The following COL25A1 variants were observed in gnomAD, a reference collection of about 807,000 sequenced individuals.
COL25A1 encodes collagen alpha-1(XXV) chain.
A neutral mutation model predicts 128.4 loss-of-function variants in COL25A1; 103 were observed. The ratio of observed to expected loss-of-function variants is 0.80; its 90% CI spans 0.68 to 0.94. COL25A1 has a LOEUF of 0.94. Among genes scored for constraint, COL25A1 ranks in the 40% least tolerant of loss-of-function variants. COL25A1 has a pLI of 0.00. For synonymous variants in COL25A1, 279 were observed against 277.2 expected, an observed-to-expected ratio of 1.01 and a Z score of -0.06; for missense variants, 745 against 840.0, an observed-to-expected ratio of 0.89 and a Z score of 1.40.
chr4:109,142,519 A>G (rs1770512541), intron 3 of COL25A1, among the ~76,000 whole-genome samples: 1 of 151,198 alleles, frequency 6.6e-6, no homozygotes, highest in Non-Finnish European at 1.5e-5. Flanking sequence ...GGGGTGTTAA[A>G]GTCTCCCACT....
At chr4:109,128,964 T>C (rs1055539096) in intron 3 of COL25A1, among the ~76,000 whole-genome samples, 16 of 152,128 alleles carry the variant, frequency 1.1e-4, no homozygotes, top group Admixed American at 6.6e-4. Flanking sequence ...ACTGAAGAGA[T>C]TTTAAAACAC....
intron 3 of COL25A1, among the ~76,000 whole-genome samples, chr4:109,198,623 A>G (rs1163984090): frequency 2.0e-5 from 3 of 152,170 alleles, no homozygotes; most frequent in Non-Finnish European, 4.4e-5. Flanking sequence ...ATTGCATTCT[A>G]TGCTAGCTCT....
chr4:109,218,357 G>GTTTTTTGTTTGTTTGTTTTT (rs1778164499), intron 3 of COL25A1, among the ~76,000 whole-genome samples: 1 of 73,530 alleles, frequency 1.4e-5, no homozygotes, highest in Non-Finnish European at 2.3e-5. Flanking sequence ...GTTTTTTGGG[G>GTTTTTTGTTTGTTTGTTTTT]TTTTTTTTTT....
chr4:108,921,070 T>C (rs1171978305), intron 11 of COL25A1: 1 of 154,312 alleles, frequency 6.5e-6, no homozygotes, highest in Non-Finnish European at 1.5e-5. Flanking sequence ...AAACATGACT[T>C]TTTTTTTCTG....
chr4:109,056,284 T>G (rs547870332), intron 3 of COL25A1, among the ~76,000 whole-genome samples: 2 of 152,102 alleles, frequency 1.3e-5, no homozygotes, highest in East Asian at 3.8e-4. Flanking sequence ...AGATTTTTAC[T>G]GTATTTTAGT....
intron 37 of COL25A1, among the ~76,000 whole-genome samples, chr4:108,816,377 C>T (rs1183230186): frequency 6.6e-6 from 1 of 152,138 alleles, no homozygotes; most frequent in Non-Finnish European, 1.5e-5. Context: ...GCTAATGAAG[C>T]ATGCCTGTCC....
At chr4:108,988,411 AT>A (rs2126008771) in intron 6 of COL25A1, among the ~76,000 whole-genome samples, 2 of 152,358 alleles carry the variant, frequency 1.3e-5, no homozygotes, top group East Asian at 3.9e-4. Context: ...ATGAGTGCTT[AT>A]GAGGATAGAG....
intron 13 of COL25A1, among the ~76,000 whole-genome samples, chr4:108,912,733 G>A (rs1526134): frequency 0.19 from 29,414 of 152,054 alleles, 3,012 homozygotes; most frequent in Non-Finnish European, 0.22. Context: ...TCACTGCATA[G>A]ACTTGACTCA....
chr4:109,116,658 C>A (rs748710208), intron 3 of COL25A1, among the ~76,000 whole-genome samples: 30 of 152,010 alleles, frequency 2.0e-4, no homozygotes, highest in Non-Finnish European at 3.4e-4. Context: ...AGAGACTGAA[C>A]AAGCATCAGA....
chr4:109,253,513 G>A (rs1051067873), intron 3 of COL25A1, among the ~76,000 whole-genome samples: 2 of 152,122 alleles, frequency 1.3e-5, no homozygotes, highest in African/African-American at 4.8e-5. Flanking sequence ...GCTTTACTCA[G>A]TCTATGGAAT....
intron 3 of COL25A1, among the ~76,000 whole-genome samples, chr4:109,245,690 T>C (rs900970430): frequency 6.6e-6 from 1 of 151,954 alleles, no homozygotes; most frequent in Non-Finnish European, 1.5e-5. Flanking sequence ...CAGATGATTG[T>C]TTACAAAAAC....
In COL25A1 at chr4:108,956,771, A is replaced by G. The variant is rs1451754967; in HGVS notation, c.493-15334T>C. On this transcript the variant is annotated intron_variant, in intron 8 of 37. Transcript: ENST00000399132. ...GTGTGGGAATGATTTTTGTCTCTAC[A>G]TGAATGTCTGTTTCTACATCTATAT... Among the ~76,000 whole-genome samples the G allele has an allele frequency of 1.2e-4, 19 of 152,188 alleles. No individual in the cohort carries two copies. In the East Asian group the frequency reaches 3.5e-3, roughly 28 times the overall value.
At chr4:109,154,427 C>G (rs1289124210) in intron 3 of COL25A1, among the ~76,000 whole-genome samples, 2 of 152,186 alleles carry the variant, frequency 1.3e-5, no homozygotes, top group Non-Finnish European at 2.9e-5. Flanking sequence ...TTCTCACACA[C>G]AAACACACAC....
Position 108,955,350 on chromosome 4 carries a change from T to C in COL25A1, c.493-13913A>G, listed in dbSNP as rs530064217. On this transcript the variant is annotated intron_variant, in intron 8 of 37. Coordinates refer to ENST00000399132, the MANE Select transcript of COL25A1 (RefSeq NM_198721.4). ...ACTTGTGAAATGTTGGGGAAGTTAATGTTGGAAAAGTGGCACAAAACGAAT... is the reference window on the plus strand; with the variant it reads ...ACTTGTGAAATGTTGGGGAAGTTAACGTTGGAAAAGTGGCACAAAACGAAT... Among the ~76,000 whole-genome samples the C allele has an allele frequency of 2.0e-5, 3 of 152,166 alleles. No individual in the cohort carries two copies. In the South Asian group the frequency reaches 6.2e-4, roughly 32 times the overall value.
chr4:109,050,198 T>G lies in COL25A1; in HGVS notation c.368-19A>C. On this transcript the variant is annotated intron_variant, in intron 3 of 37. Coordinates refer to ENST00000399132, the MANE Select transcript of COL25A1 (RefSeq NM_198721.4). ...GGAGGGCCTGAAATACAAAGGATAA[T>G]TTTTTTAGTGTAGTTTAATTCTTTT... The G allele has an allele frequency of 6.3e-7, 1 of 1,593,956 alleles. No homozygotes were observed. The highest frequency in any genetic ancestry group is 8.6e-7 in the Non-Finnish European group (1 of 1,166,022).
chr4:108,843,368 T>C (rs553326350), intron 30 of COL25A1, among the ~76,000 whole-genome samples: 1 of 152,272 alleles, frequency 6.6e-6, no homozygotes, highest in South Asian at 2.1e-4. Context: ...ACTTATTCTG[T>C]AATACTGAAG....
intron 3 of COL25A1, among the ~76,000 whole-genome samples, chr4:109,149,994 G>A (rs924468842): frequency 6.8e-6 from 1 of 146,740 alleles, no homozygotes; most frequent in African/African-American, 2.4e-5. Context: ...ATGTGTGTAT[G>A]TGTGGGTGTG....
chr4:109,245,460 G>A lies in COL25A1; in HGVS notation c.367+55123C>T, dbSNP rs184896382. Among the ~76,000 whole-genome samples the A allele has an allele frequency of 1.3e-3, 195 of 152,302 alleles. 1 individual carries two copies. The highest frequency in any genetic ancestry group is 6.8e-3 in the Middle Eastern group (2 of 294). On this transcript the variant is annotated intron_variant, in intron 3 of 37. Coordinates refer to ENST00000399132, the MANE Select transcript of COL25A1 (RefSeq NM_198721.4). ...AAATAACAAAGGTATCCTATCATAT[G>A]TGTGGAGCATGGTGATGACAGAATA...
intron 3 of COL25A1, among the ~76,000 whole-genome samples, chr4:109,289,584 G>A (rs1391119266): frequency 1.3e-5 from 2 of 152,072 alleles, no homozygotes; most frequent in African/African-American, 4.8e-5. Context: ...AGGTCTAGAG[G>A]CTTTGGGACC....
Sources: allele counts gnomAD v4.1 joint callset (sites outside exome capture counted in the v4.1 genomes callset), GRCh38; gene constraint gnomAD v4.1.1; transcripts MANE v1.5; gene names NCBI Gene and HGNC (gene_info 2026-07-23, HGNC 2026-07-21).